The following APBB2 variants were observed in gnomAD, a reference collection of about 807,000 sequenced individuals.
APBB2 encodes the protein Fe65-like 1.
In APBB2, 38 loss-of-function variants were observed where a neutral mutation model predicts 82.5. The observed-to-expected ratio is 0.46, with a 90% CI of 0.36 to 0.60. APBB2 has a LOEUF of 0.60. Among genes scored for constraint, APBB2 ranks in the 20% least tolerant of loss-of-function variants. The pLI, the probability that APBB2 is intolerant of heterozygous loss-of-function variation, is 0.00. For synonymous variants in APBB2, 341 were observed against 368.2 expected (o/e 0.93, Z 0.85); for missense variants, 772 against 972.3 (o/e 0.79, Z 2.74).
chr4:40,823,141 T>G (rs979666029), intron 16 of APBB2, among the ~76,000 whole-genome samples: 1 of 152,204 alleles, frequency 6.6e-6, no homozygotes, highest in East Asian at 1.9e-4. Flanking sequence ...TGCTTCCAAC[T>G]GTGTGATGCT....
intron 3 of APBB2, among the ~76,000 whole-genome samples, chr4:41,086,379 C>T (rs1030829396): frequency 6.6e-6 from 1 of 152,080 alleles, no homozygotes; most frequent in Non-Finnish European, 1.5e-5. Context: ...AACTACAAGC[C>T]ATTATTTCTT....
chr4:40,951,556 A>G (rs1465817470), intron 6 of APBB2, among the ~76,000 whole-genome samples: 1 of 152,264 alleles, frequency 6.6e-6, no homozygotes, highest in Non-Finnish European at 1.5e-5. Flanking sequence ...TCAATGCGGT[A>G]GGGACCTTCG....
At chr4:40,959,209 T>C (rs977641276) in intron 6 of APBB2, among the ~76,000 whole-genome samples, 26 of 152,300 alleles carry the variant, frequency 1.7e-4, no homozygotes, top group African/African-American at 6.0e-4. Flanking sequence ...ACCTAATCTT[T>C]CAACTTAATT....
chr4:41,001,481 C>T (rs981347057), intron 6 of APBB2, among the ~76,000 whole-genome samples: 12 of 152,288 alleles, frequency 7.9e-5, no homozygotes, highest in East Asian at 3.9e-4. Context: ...TCAAGTAACA[C>T]GCAGGGAGAA....
At chr4:41,100,439 G>C (rs1744963830) in intron 3 of APBB2, among the ~76,000 whole-genome samples, 200 bp downstream of exon 3, 1 of 150,888 alleles carries the variant, frequency 6.6e-6, no homozygotes, top group African/African-American at 2.4e-5. Flanking sequence ...GCACAATGTA[G>C]AACATCATCT....
At chr4:40,844,098 G>A (rs73810667) in intron 12 of APBB2, among the ~76,000 whole-genome samples, 2,715 of 152,322 alleles carry the variant, frequency 0.018, 82 homozygotes, top group African/African-American at 0.062. Context: ...CTTTTGTAGG[G>A]AAAGAGGTGG....
intron 6 of APBB2, among the ~76,000 whole-genome samples, chr4:40,989,021 A>T (rs1801247700): frequency 6.6e-6 from 1 of 152,144 alleles, no homozygotes; most frequent in Non-Finnish European, 1.5e-5. Context: ...TGGTCTCCCA[A>T]GAGTGAGGAT....
At chr4:41,181,712 G>A (rs570184696) in intron 1 of APBB2, among the ~76,000 whole-genome samples, 4 of 152,158 alleles carry the variant, frequency 2.6e-5, no homozygotes, top group Admixed American at 6.5e-5. Flanking sequence ...TTGGGAGGCC[G>A]AGGAGAGTGG....
At chr4:40,955,937 G>A (rs369509481) in intron 6 of APBB2, among the ~76,000 whole-genome samples, 24 of 151,998 alleles carry the variant, frequency 1.6e-4, no homozygotes, top group Admixed American at 1.0e-3. Context: ...CACCACGCCC[G>A]GCTAATTTTT....
At chr4:40,886,764 C>T (rs776610555) in intron 12 of APBB2, among the ~76,000 whole-genome samples, 16 of 152,188 alleles carry the variant, frequency 1.1e-4, no homozygotes, top group African/African-American at 3.1e-4. Flanking sequence ...CACACACCTG[C>T]GTACGTCCTC....
chr4:40,987,911 C>T (rs780382517), intron 6 of APBB2, among the ~76,000 whole-genome samples: 2 of 152,136 alleles, frequency 1.3e-5, no homozygotes, highest in South Asian at 2.1e-4. Flanking sequence ...CCCTCGAATG[C>T]TAAGATTTCA....
At chr4:41,081,827 G>A (rs1737744050) in intron 3 of APBB2, among the ~76,000 whole-genome samples, 1 of 152,142 alleles carries the variant, frequency 6.6e-6, no homozygotes. Flanking sequence ...ATTGATCATA[G>A]AATATCAACT....
At chr4:41,158,014 C>A (rs1763921636) in intron 1 of APBB2, among the ~76,000 whole-genome samples, 1 of 152,038 alleles carries the variant, frequency 6.6e-6, no homozygotes, top group South Asian at 2.1e-4. Context: ...GTCAAACAAA[C>A]AAAAGAGCCA....
intron 6 of APBB2, among the ~76,000 whole-genome samples, chr4:41,011,305 C>T (rs62412104): frequency 3.3e-5 from 5 of 151,768 alleles, no homozygotes; most frequent in African/African-American, 4.8e-5. Flanking sequence ...CTCAGCCTCC[C>T]GAGTAGCTGG....
intron 3 of APBB2, among the ~76,000 whole-genome samples, chr4:41,091,879 C>T (rs1293385142): frequency 6.6e-6 from 1 of 152,112 alleles, no homozygotes; most frequent in Admixed American, 6.5e-5. Flanking sequence ...AGGTAAGTAA[C>T]CTTGAGCAAG....
chr4:41,111,899 G>T (rs999586605), intron 2 of APBB2, among the ~76,000 whole-genome samples: 1 of 152,154 alleles, frequency 6.6e-6, no homozygotes, highest in Admixed American at 6.5e-5. Flanking sequence ...GAAAGAGAAA[G>T]AATCCGTTCA....
intron 6 of APBB2, among the ~76,000 whole-genome samples, chr4:40,971,041 T>C (rs1449008962): frequency 6.6e-6 from 1 of 152,202 alleles, no homozygotes; most frequent in Non-Finnish European, 1.5e-5. Context: ...TTTTCCTTCA[T>C]ACATACTTGT....
chr4:41,019,919 G>A (rs1349953541), intron 5 of APBB2, among the ~76,000 whole-genome samples: 1 of 151,480 alleles, frequency 6.6e-6, no homozygotes, highest in African/African-American at 2.4e-5. Flanking sequence ...ACAAAGAGAA[G>A]GAGACAGAGA....
intron 4 of APBB2, among the ~76,000 whole-genome samples, chr4:41,037,157 TTAGG>T (rs1337540822): frequency 1.3e-5 from 2 of 152,190 alleles, no homozygotes; most frequent in Non-Finnish European, 2.9e-5. Flanking sequence ...TTGGAACTTC[TTAGG>T]TAGGTGAGTC....
Sources: gnomAD v4.1 joint callset for allele counts (sites outside exome capture counted in the v4.1 genomes callset) on GRCh38, gnomAD v4.1.1 for gene constraint, MANE v1.5 for transcripts, NCBI Gene and HGNC (gene_info 2026-07-23, HGNC 2026-07-21) for gene names.